RPS6KC1: variants seen among roughly 807,000 people sequenced by gnomAD.
RPS6KC1 encodes ribosomal protein S6 kinase C1, also known as inactive ribosomal protein S6 kinase delta-1.
RPS6KC1 carries 54 observed loss-of-function variants against 103.8 expected under a neutral mutation model. That is an observed-to-expected ratio of 0.52 (90% confidence interval 0.42 to 0.65). The LOEUF is 0.65. Among genes scored for constraint, RPS6KC1 ranks in the 30% least tolerant of loss-of-function variants. RPS6KC1 has a pLI of 0.00. For missense variants in RPS6KC1, 1,151 were observed against 1,253.8 expected (o/e 0.92, Z 1.24); for synonymous variants, 439 against 438.7 (o/e 1.00, Z -0.01).
chr1:213,714,079 A>G, the RPS6KC1 span, among the ~76,000 whole-genome samples: 2 of 152,202 alleles, frequency 1.3e-5, no homozygotes. Flanking sequence ...TTATAATCAA[A>G]CTATCCTAGT....
At chr1:213,724,143 A>C in the RPS6KC1 span, among the ~76,000 whole-genome samples, 1 of 152,132 alleles carries the variant, frequency 6.6e-6, no homozygotes, top group Admixed American at 6.5e-5. Flanking sequence ...GCTGGAGTGC[A>C]GTGGTGTGAT....
At chr1:213,858,651 G>A in the RPS6KC1 span, among the ~76,000 whole-genome samples, 7 of 152,290 alleles carry the variant, frequency 4.6e-5, no homozygotes, top group East Asian at 1.9e-4. Context: ...ACCAGTTAGC[G>A]CCAGTTCCAC....
At chr1:213,152,489 G>T (rs1172061384) in intron 6 of RPS6KC1, among the ~76,000 whole-genome samples, 1 of 151,490 alleles carries the variant, frequency 6.6e-6, no homozygotes, top group Non-Finnish European at 1.5e-5. Context: ...CAGACGGGGT[G>T]GCTGCCGGGC....
chr1:213,602,140 T>C, the RPS6KC1 span, among the ~76,000 whole-genome samples: 11 of 78,732 alleles, frequency 1.4e-4, no homozygotes, highest in Non-Finnish European at 2.0e-4. Context: ...CTTTCTTTCT[T>C]TCTTTCTTTC....
the RPS6KC1 span, among the ~76,000 whole-genome samples, chr1:213,733,546 TTG>T: frequency 3.5e-5 from 5 of 142,094 alleles, no homozygotes; most frequent in Non-Finnish European, 4.6e-5. Flanking sequence ...TATTTTTAGT[TTG>T]TTTTTTTTTT....
chr1:213,251,102 CTTT>C (rs1235280521), intron 12 of RPS6KC1, among the ~76,000 whole-genome samples: 1 of 100,204 alleles, frequency 1.0e-5, no homozygotes, highest in Non-Finnish European at 2.0e-5. Flanking sequence ...GGTTTTTCAG[CTTT>C]TTTTTTTTTT....
the RPS6KC1 span, among the ~76,000 whole-genome samples, chr1:213,293,973 A>T: frequency 1.3e-5 from 2 of 152,230 alleles, no homozygotes; most frequent in Non-Finnish European, 2.9e-5. Context: ...AATTTTTCAT[A>T]ATCTCCTTGC....
the RPS6KC1 span, among the ~76,000 whole-genome samples, chr1:213,484,459 G>A: frequency 6.6e-6 from 1 of 152,206 alleles, no homozygotes; most frequent in Non-Finnish European, 1.5e-5. Flanking sequence ...CTTGTCACAT[G>A]GACCTGTCCA....
At chr1:213,528,092 C>T in the RPS6KC1 span, among the ~76,000 whole-genome samples, 2 of 151,972 alleles carry the variant, frequency 1.3e-5, no homozygotes, top group Non-Finnish European at 2.9e-5. Context: ...ATAAGTGGAC[C>T]CACACAGTTC....
At chr1:213,566,466 T>G in the RPS6KC1 span, among the ~76,000 whole-genome samples, 14 of 43,634 alleles carry the variant, frequency 3.2e-4, no homozygotes, top group African/African-American at 8.8e-4. Flanking sequence ...TTTTTTTTTT[T>G]TTTTTTTTTT....
chr1:213,144,008 A>C (rs2087415378), intron 6 of RPS6KC1, among the ~76,000 whole-genome samples: 1 of 152,074 alleles, frequency 6.6e-6, no homozygotes, highest in Non-Finnish European at 1.5e-5. Flanking sequence ...CAGCCAGGAA[A>C]GGTTATCTGG....
chr1:213,503,546 C>T, the RPS6KC1 span, among the ~76,000 whole-genome samples: 1 of 152,244 alleles, frequency 6.6e-6, no homozygotes, highest in African/African-American at 2.4e-5. Context: ...TGTTCTCGCA[C>T]TTACGCTTAT....
At chr1:213,304,448 A>G in the RPS6KC1 span, among the ~76,000 whole-genome samples, 1 of 152,214 alleles carries the variant, frequency 6.6e-6, no homozygotes, top group Admixed American at 6.5e-5. Flanking sequence ...AGTGTTGGTA[A>G]CACTTTAAAT....
At chr1:213,781,234 A>G in the RPS6KC1 span, among the ~76,000 whole-genome samples, 1 of 152,228 alleles carries the variant, frequency 6.6e-6, no homozygotes, top group Admixed American at 6.5e-5. Flanking sequence ...TAAAAGGCAG[A>G]TCATTTTGGA....
chr1:213,385,287 A>G, the RPS6KC1 span, among the ~76,000 whole-genome samples: 4 of 152,144 alleles, frequency 2.6e-5, no homozygotes, highest in Non-Finnish European at 5.9e-5. Flanking sequence ...GTGGGTTCAT[A>G]CTCACAACAT....
At chr1:213,714,368 A>T in the RPS6KC1 span, among the ~76,000 whole-genome samples, 1 of 152,256 alleles carries the variant, frequency 6.6e-6, no homozygotes, top group Non-Finnish European at 1.5e-5. Context: ...GAAAATGCTC[A>T]TTCAAATAGT....
At chr1:213,236,200 G>C (rs1431211260) in intron 10 of RPS6KC1, among the ~76,000 whole-genome samples, 1 of 152,066 alleles carries the variant, frequency 6.6e-6, no homozygotes, top group East Asian at 1.9e-4. Context: ...CCACACCCCT[G>C]TCCCCATCCA....
chr1:213,730,057 GAAT>G, the RPS6KC1 span, among the ~76,000 whole-genome samples: 2 of 152,140 alleles, frequency 1.3e-5, no homozygotes, highest in Admixed American at 6.5e-5. Flanking sequence ...AGTTTGCTAA[GAAT>G]AATGACCTCC....
the RPS6KC1 span, among the ~76,000 whole-genome samples, chr1:213,389,835 A>T: frequency 3.9e-5 from 6 of 152,282 alleles, no homozygotes; most frequent in Non-Finnish European, 7.3e-5. Context: ...CTCAGCCCTG[A>T]ATCTGGGGTG....
Sources: allele counts gnomAD v4.1 joint callset (sites outside exome capture counted in the v4.1 genomes callset), GRCh38; gene constraint gnomAD v4.1.1; transcripts MANE v1.5; gene names NCBI Gene and HGNC (gene_info 2026-07-23, HGNC 2026-07-21).